The following TPST2 variants were observed in gnomAD, a reference collection of about 807,000 sequenced individuals.
The protein encoded by TPST2 is protein-tyrosine sulfotransferase 2.
TPST2 carries 16 observed loss-of-function variants against 27.8 expected under a neutral mutation model. That is an observed-to-expected ratio of 0.58 (90% CI 0.39 to 0.88). The LOEUF is 0.88. TPST2 is among the 40% of genes least tolerant of loss of function. TPST2 has a pLI of 0.00. For synonymous variants in TPST2, 229 were observed against 231.7 expected (o/e 0.99, Z 0.10); for missense variants, 464 against 543.1 (o/e 0.85, Z 1.45).
chr22:26,578,664 C>T (rs1927959456), intron 1 of TPST2, among the ~76,000 whole-genome samples: 1 of 152,062 alleles, frequency 6.6e-6, no homozygotes. Context: ...TACACAACAA[C>T]CGCTGAGGGA....
chr22:26,536,588 AC>A, intron 3 of TPST2, 102 bp from the exon 4 acceptor site: 4 of 1,163,842 alleles, frequency 3.4e-6, no homozygotes, highest in Non-Finnish European at 4.6e-6. Flanking sequence ...GACTGGAGAA[AC>A]CTGGCCTCCA....
Position 26,533,277 on chromosome 22 carries a change from T to C in TPST2, c.1042-532A>G, listed in dbSNP as rs191596498. Reference sequence around the variant, plus strand: ...AAAATTAAAAATTAGCTGGGCATGGTGGCATGCACTTATCGTCCCAGCTGC... The same window carrying C: ...AAAATTAAAAATTAGCTGGGCATGGCGGCATGCACTTATCGTCCCAGCTGC... On this transcript the variant is annotated intron_variant, in intron 4 of 6. Transcript: ENST00000338754. 4.0e-3 allele frequency among the ~76,000 whole-genome samples: 608 copies of C among 152,250 alleles called. 3 individuals carry two copies. Among genetic ancestry groups the C allele is most frequent in the African/African-American group, 0.013 (548 of 41,564 alleles).
chr22:26,587,595 C>T (rs1928391948), intron 1 of TPST2, among the ~76,000 whole-genome samples: 2 of 152,256 alleles, frequency 1.3e-5, no homozygotes, highest in South Asian at 4.1e-4. Context: ...CCCACCTTAG[C>T]TCCCAAAGTG....
intron 1 of TPST2, among the ~76,000 whole-genome samples, chr22:26,585,731 C>T (rs1928316246): frequency 6.6e-6 from 1 of 152,136 alleles, no homozygotes. Flanking sequence ...ACTCTTACTA[C>T]AAATACACCC....
At chr22:26,589,562 C>T (rs1213553431) in intron 1 of TPST2, among the ~76,000 whole-genome samples, 1 of 152,228 alleles carries the variant, frequency 6.6e-6, no homozygotes, top group Non-Finnish European at 1.5e-5. Flanking sequence ...GCGCCCACCT[C>T]CCCAGCCGAC....
In TPST2 at chr22:26,524,413, G is replaced by A. The variant is rs781724197; in HGVS notation, c.*1862C>T. 6 of 152,206 alleles carry A rather than the reference G, an allele frequency of 3.9e-5. No homozygotes were observed. The highest frequency in any genetic ancestry group is 5.9e-5 in the Non-Finnish European group (4 of 68,058). The allele number at this position is 152,206 out of a possible 1,614,324, so 9.4% of individuals were successfully genotyped here. On this transcript the variant is annotated 3_prime_UTR_variant, in exon 7 of 7. Transcript: ENST00000338754. ...GCCCAGCTACTCAGGAGGCTAAGAT[G>A]GGAGGATCACCTGACCCTAGGAGAC...
chr22:26,564,453 CATGA>C (rs1927286105), intron 1 of TPST2, among the ~76,000 whole-genome samples: 2 of 152,190 alleles, frequency 1.3e-5, no homozygotes, highest in Admixed American at 1.3e-4. Context: ...CTTGCCCCGT[CATGA>C]ATAACAGGTA....
intron 1 of TPST2, among the ~76,000 whole-genome samples, chr22:26,561,246 T>C (rs1166209806): frequency 6.6e-6 from 1 of 151,928 alleles, no homozygotes; most frequent in Non-Finnish European, 1.5e-5. Flanking sequence ...AAGAAAAAAA[T>C]TGAAATGTAA....
chr22:26,539,464 C>T, intron 3 of TPST2, among the ~76,000 whole-genome samples: 1 of 151,842 alleles, frequency 6.6e-6, no homozygotes, highest in Non-Finnish European at 1.5e-5. Context: ...GGGAGGAGTT[C>T]TGGACATGGG....
intron 2 of TPST2, among the ~76,000 whole-genome samples, chr22:26,544,006 G>A (rs1317944520): frequency 6.6e-6 from 1 of 152,152 alleles, no homozygotes; most frequent in Non-Finnish European, 1.5e-5. Context: ...ACCCTGGCAA[G>A]GGAGGTATCC....
At chr22:26,531,970 C>CA (rs1925185336) in intron 5 of TPST2, among the ~76,000 whole-genome samples, 1 of 152,126 alleles carries the variant, frequency 6.6e-6, no homozygotes, top group Non-Finnish European at 1.5e-5. Flanking sequence ...CCTGTCTCTA[C>CA]AAAAAACACA....
chr22:26,582,298 G>A (rs145280113), intron 1 of TPST2, among the ~76,000 whole-genome samples: 3 of 152,150 alleles, frequency 2.0e-5, no homozygotes, highest in Non-Finnish European at 2.9e-5. Flanking sequence ...ATGGTGGCAG[G>A]TGTCTGTAAT....
At chr22:26,565,392 G>A (rs1011272071) in intron 1 of TPST2, 1 of 152,290 alleles carries the variant, frequency 6.6e-6, no homozygotes, top group Non-Finnish European at 1.5e-5. Context: ...GCCTTGCGAT[G>A]GGCCTGCCTC....
chr22:26,536,717 A>G (rs1925493066), intron 3 of TPST2, among the ~76,000 whole-genome samples: 1 of 152,228 alleles, frequency 6.6e-6, no homozygotes, highest in Non-Finnish European at 1.5e-5. Context: ...TACTAGCAGT[A>G]TACACCATTG....
intron 1 of TPST2, among the ~76,000 whole-genome samples, chr22:26,576,031 T>TAAATA (rs1555935347): frequency 1.9e-4 from 28 of 150,126 alleles, no homozygotes; most frequent in African/African-American, 5.6e-4. Context: ...AAAAAATAAA[T>TAAATA]AAATAAAATA....
rs2147170086 is a variant in TPST2 at position 26,528,143 on chromosome 22, G to A, written c.*7+71C>T. On this transcript the variant is annotated intron_variant, in intron 6 of 6. Coordinates refer to ENST00000338754, the MANE Select transcript of TPST2 (RefSeq NM_003595.5). ...GGAGGCTCTGGAAGGACAGAAAAGT[G>A]GCTTTTCAGAAAAGTGGCTCCGGGG... is the stretch of plus-strand genomic sequence containing the variant. 4.6e-6 allele frequency: 7 copies of A among 1,529,632 alleles called. No individual in the cohort carries two copies. In the South Asian group the frequency reaches 4.8e-5, roughly 10 times the overall value. The allele number at this position is 1,529,632 out of a possible 1,614,324, so 94.8% of individuals were successfully genotyped here. A position where few individuals can be genotyped will look rare whatever the true frequency, so the allele number is the denominator to read the frequency against.
chr22:26,574,103 G>A (rs1424939162), intron 1 of TPST2, among the ~76,000 whole-genome samples: 1 of 152,090 alleles, frequency 6.6e-6, no homozygotes. Flanking sequence ...GGGGACCTGG[G>A]TTTTATGGAA....
rs1306776836 is a variant in TPST2, at chr22:26,548,396, T to C, written c.-160-3721A>G. Among the ~76,000 whole-genome samples the C allele has an allele frequency of 2.0e-5, 3 of 148,154 alleles. No homozygotes were observed. In the Admixed American group the frequency reaches 2.0e-4, roughly 10 times the overall value. On this transcript the variant is annotated intron_variant, in intron 1 of 6. Coordinates refer to ENST00000338754, the MANE Select transcript of TPST2 (RefSeq NM_003595.5). ...GGGGGAGGACATGGCACCACCCGCCTGATTGGGCTGATGTGAGTATGAAAC... is the reference window on the plus strand; with the variant it reads ...GGGGGAGGACATGGCACCACCCGCCCGATTGGGCTGATGTGAGTATGAAAC...
At chr22:26,550,633 C>T (rs776787884) in intron 1 of TPST2, 1 of 985,730 alleles carries the variant, frequency 1.0e-6, no homozygotes, top group Non-Finnish European at 1.2e-6. Context: ...CGTGCTCAGG[C>T]TCAGCCATCA....
Sources: gnomAD v4.1 joint callset for allele counts (sites outside exome capture counted in the v4.1 genomes callset) on GRCh38, gnomAD v4.1.1 for gene constraint, MANE v1.5 for transcripts, NCBI Gene and HGNC (gene_info 2026-07-23, HGNC 2026-07-21) for gene names.